The following CERKL variants were observed in gnomAD, a reference collection of about 807,000 sequenced individuals.
CERKL encodes CERK like autophagy regulator.
Under a neutral mutation model 63.4 loss-of-function variants are expected in CERKL, and 61 were observed. The ratio of observed to expected loss-of-function variants is 0.96; its 90% CI spans 0.78 to 1.19. The LOEUF is 1.19. Among genes scored for constraint, CERKL ranks in the 50% most tolerant of loss-of-function variants. CERKL has a pLI of 0.00. For synonymous variants in CERKL, 250 were observed against 230.5 expected (o/e 1.08, Z -0.77); for missense variants, 675 against 655.5 (o/e 1.03, Z -0.33).
At position 181,656,829 on chromosome 2, in the gene CERKL, C is replaced by T; in HGVS notation, c.178G>A (p.Asp60Asn). The change falls in exon 1 of 13, where the codon GAC becomes AAC. Residue 60 changes from aspartate to asparagine, a missense_variant. Transcript: ENST00000410087. ...GIFEIGRDSC[D>N]VVLSERALRW... The stretch of plus-strand genomic sequence containing the variant: ...AGTGCTCGCTCGCTCAGCACCACGT[C>T]ACAACTGTCCCTCCCGATCTCGAAG... 1.2e-6 allele frequency: 2 copies of T among 1,603,280 alleles called. No homozygotes were observed. The highest frequency in any genetic ancestry group is 1.7e-6 in the Non-Finnish European group (2 of 1,172,834).
chr2:181,563,477 T>A (rs963055434), intron 4 of CERKL, among the ~76,000 whole-genome samples: 36 of 152,304 alleles, frequency 2.4e-4, no homozygotes, highest in African/African-American at 8.4e-4. Context: ...AACCAAACTG[T>A]TAGGTGATTT....
intron 1 of CERKL, among the ~76,000 whole-genome samples, chr2:181,617,900 C>T (rs765841997): frequency 4.6e-5 from 7 of 152,192 alleles, no homozygotes; most frequent in Non-Finnish European, 1.0e-4. Flanking sequence ...TTCAGCTGCA[C>T]ATCTGTGTAA....
intron 1 of CERKL, among the ~76,000 whole-genome samples, chr2:181,631,006 T>C (rs999779794): frequency 1.3e-5 from 2 of 152,202 alleles, no homozygotes; most frequent in Admixed American, 6.5e-5. Context: ...GCTTATTAAT[T>C]AGAATGCCAG....
chr2:181,613,429 T>C (rs1469732316), intron 1 of CERKL, among the ~76,000 whole-genome samples: 3 of 152,198 alleles, frequency 2.0e-5, no homozygotes, highest in African/African-American at 7.2e-5. Context: ...GACCCAACAG[T>C]GAAAATTCTG....
At chr2:181,557,088 G>GTTCT (rs1294861070) in intron 5 of CERKL, among the ~76,000 whole-genome samples, 1 of 152,034 alleles carries the variant, frequency 6.6e-6, no homozygotes, top group Non-Finnish European at 1.5e-5. Flanking sequence ...TGTTGATGGG[G>GTTCT]TTGTTTTTTT....
chr2:181,546,231 A>T (rs1166610460), intron 10 of CERKL, among the ~76,000 whole-genome samples: 1 of 152,148 alleles, frequency 6.6e-6, no homozygotes, highest in African/African-American at 2.4e-5. Flanking sequence ...AGTCAAGCAG[A>T]ACATTTATGG....
intron 3 of CERKL, among the ~76,000 whole-genome samples, chr2:181,567,996 C>T (rs1052243793): frequency 5.3e-5 from 8 of 152,134 alleles, no homozygotes; most frequent in African/African-American, 1.9e-4. Context: ...TATGAGATTG[C>T]CAACCTGTGC....
Position 181,537,510 on chromosome 2 carries a change from A to ATAAC in CERKL, c.*670_*673dup, listed in dbSNP as rs1287443671. 11 of 451,556 alleles carry ATAAC rather than the reference A, an allele frequency of 2.4e-5. No individual in the cohort carries two copies. The highest frequency in any genetic ancestry group is 7.1e-5 in the Admixed American group (3 of 42,308). The allele number at this position is 451,556 out of a possible 1,614,324, so 28.0% of individuals were successfully genotyped here. A position where few individuals can be genotyped will look rare whatever the true frequency, so the allele number is the denominator to read the frequency against. On this transcript the variant is annotated 3_prime_UTR_variant, in exon 13 of 13. Transcript: ENST00000410087. ...TATTCTTTTTTGGCAGGTAGGCTAT[A>ATAAC]TAACTATGTGATTTTGAAATTTAAC...
chr2:181,574,390 T>C (rs1047823634), intron 2 of CERKL, among the ~76,000 whole-genome samples: 1 of 152,112 alleles, frequency 6.6e-6, no homozygotes, highest in African/African-American at 2.4e-5. Flanking sequence ...GATGGGTCAG[T>C]GTCAGTACCA....
rs1314597584 is a variant in CERKL, at chr2:181,536,862, A to C, written c.*1322T>G. On this transcript the variant is annotated 3_prime_UTR_variant, in exon 13 of 13. Transcript: ENST00000410087. The stretch of plus-strand genomic sequence containing the variant: ...TGCCTTCATAAGAGAGCTGTGGCCG[A>C]ATTTTGAACATCTGTTATAGGGAGT... The C allele has an allele frequency of 2.5e-5, 11 of 432,090 alleles. No individual in the cohort carries two copies. Among genetic ancestry groups the C allele is most frequent in the African/African-American group, 2.0e-4 (10 of 49,392 alleles). 26.8% of individuals were successfully genotyped at this position (432,090 alleles called of 1,614,324 possible). A position where few individuals can be genotyped will look rare whatever the true frequency, so the allele number is the denominator to read the frequency against.
At chr2:181,585,641 C>T (rs1431207133) in intron 2 of CERKL, among the ~76,000 whole-genome samples, 1 of 152,156 alleles carries the variant, frequency 6.6e-6, no homozygotes, top group Non-Finnish European at 1.5e-5. Flanking sequence ...AATTCAGTCT[C>T]TATCTCATGT....
At chr2:181,620,900 A>C (rs539801439) in intron 1 of CERKL, among the ~76,000 whole-genome samples, 30 of 152,360 alleles carry the variant, frequency 2.0e-4, no homozygotes, top group African/African-American at 6.5e-4. Flanking sequence ...ATTTATTCAT[A>C]TGATGAGTAT....
At chr2:181,546,859 C>T (rs1369951930) in intron 10 of CERKL, among the ~76,000 whole-genome samples, 1 of 152,130 alleles carries the variant, frequency 6.6e-6, no homozygotes, top group East Asian at 1.9e-4. Context: ...TTTCTTTTGA[C>T]TAAAAGTATC....
intron 5 of CERKL, among the ~76,000 whole-genome samples, chr2:181,557,472 T>C (rs1003109373): frequency 2.6e-5 from 4 of 152,172 alleles, no homozygotes; most frequent in Non-Finnish European, 5.9e-5. Flanking sequence ...TAGCCAGTTT[T>C]CCCAGCACCG....
At chr2:181,656,652 G>C (rs577255617) in intron 1 of CERKL, 117 bp downstream of exon 1, 100 of 889,372 alleles carry the variant, frequency 1.1e-4, no homozygotes, top group Non-Finnish European at 1.5e-4. Flanking sequence ...AGGCGAGCAC[G>C]GGGAGGGGAG....
chr2:181,586,531 G>A (rs1684775841), intron 2 of CERKL, among the ~76,000 whole-genome samples: 1 of 152,026 alleles, frequency 6.6e-6, no homozygotes, highest in Non-Finnish European at 1.5e-5. Context: ...GACAATCCAA[G>A]ATTAAAATAT....
chr2:181,582,390 G>C (rs1684549359), intron 2 of CERKL, among the ~76,000 whole-genome samples: 1 of 152,034 alleles, frequency 6.6e-6, no homozygotes, highest in African/African-American at 2.4e-5. Flanking sequence ...AACAGTTGTA[G>C]GCCATCAGCA....
At chr2:181,587,754 C>G (rs1217760689) in intron 2 of CERKL, among the ~76,000 whole-genome samples, 1 of 151,998 alleles carries the variant, frequency 6.6e-6, no homozygotes, top group Non-Finnish European at 1.5e-5. Context: ...TTAGAGAACA[C>G]TTTTATGAAT....
At chr2:181,636,995 G>A (rs1687207194) in intron 1 of CERKL, among the ~76,000 whole-genome samples, 1 of 152,146 alleles carries the variant, frequency 6.6e-6, no homozygotes, top group African/African-American at 2.4e-5. Flanking sequence ...GAACCTTCTA[G>A]AGACCCCATA....
Sources: gnomAD v4.1 joint callset for allele counts (sites outside exome capture counted in the v4.1 genomes callset) on GRCh38, gnomAD v4.1.1 for gene constraint, MANE v1.5 for transcripts, NCBI Gene and HGNC (gene_info 2026-07-23, HGNC 2026-07-21) for gene names.